Variants in SEM1 observed in about 807,000 individuals in gnomAD.
The protein encoded by SEM1 is 26S proteasome complex subunit SEM1.
A neutral mutation model predicts 12.7 loss-of-function variants in SEM1; 3 were observed. The ratio of observed to expected loss-of-function variants is 0.24; its 90% confidence interval spans 0.11 to 0.61. The LOEUF is 0.61. Among genes scored for constraint, SEM1 ranks in the 20% least tolerant of loss-of-function variants. SEM1 has a pLI of 0.88. For missense variants in SEM1, 59 were observed against 81.3 expected (o/e 0.73, Z 1.06); for synonymous variants, 30 against 27.8 (o/e 1.08, Z -0.25).
intron 2 of SEM1, among the ~76,000 whole-genome samples, chr7:96,545,224 A>G (rs1805071029): frequency 6.6e-6 from 1 of 151,936 alleles, no homozygotes; most frequent in African/African-American, 2.4e-5. Flanking sequence ...GTGGAGTTGT[A>G]TGGGTGCTAT....
chr7:96,486,723 G>A (rs1282443723), intron 1 of SEM1, among the ~76,000 whole-genome samples: 1 of 152,156 alleles, frequency 6.6e-6, no homozygotes, highest in South Asian at 2.1e-4. Context: ...GTATATAATA[G>A]TAGCCTTTGA....
At chr7:96,568,345 T>C (rs1325868862) in intron 2 of SEM1, among the ~76,000 whole-genome samples, 1 of 151,832 alleles carries the variant, frequency 6.6e-6, no homozygotes, top group African/African-American at 2.4e-5. Flanking sequence ...ATATTTTCGC[T>C]TTCTCCATCT....
intron 2 of SEM1, among the ~76,000 whole-genome samples, chr7:96,557,583 G>A (rs1352914920): frequency 1.1e-5 from 1 of 94,220 alleles, no homozygotes; most frequent in African/African-American, 2.8e-5. Flanking sequence ...GAGAACCACT[G>A]CTCTCTTCAA....
chr7:96,496,650 C>T (rs565913226), upstream of SEM1, among the ~76,000 whole-genome samples: 237 of 152,040 alleles, frequency 1.6e-3, 1 homozygote, highest in Middle Eastern at 6.8e-3. Context: ...AAAGGGGAAA[C>T]GTAAGATTTA....
At chr7:96,684,021 A>G (rs1789692752), downstream of SEM1, among the ~76,000 whole-genome samples, 1 of 152,108 alleles carries the variant, frequency 6.6e-6, no homozygotes, top group African/African-American at 2.4e-5. Context: ...AACTTAAAGT[A>G]TAATTAAAAA....
chr7:96,564,831 C>A (rs530422101), intron 2 of SEM1, among the ~76,000 whole-genome samples: 28 of 151,916 alleles, frequency 1.8e-4, no homozygotes, highest in South Asian at 8.3e-4. Context: ...GATAGAAAAC[C>A]AAGAAAACTT....
At chr7:96,647,767 T>C (rs1219850194) in intron 2 of SEM1, among the ~76,000 whole-genome samples, 1 of 152,220 alleles carries the variant, frequency 6.6e-6, no homozygotes, top group Non-Finnish European at 1.5e-5. Context: ...CAACCTGAAA[T>C]GTGCAATCTG....
At chr7:96,552,480 G>A (rs1280373121) in intron 2 of SEM1, among the ~76,000 whole-genome samples, 1 of 150,456 alleles carries the variant, frequency 6.6e-6, no homozygotes, top group Non-Finnish European at 1.5e-5. Flanking sequence ...TGAGAATGAT[G>A]ATTTCCAATT....
intron 2 of SEM1, chr7:96,622,997 G>A (rs2116291657): frequency 4.4e-6 from 1 of 226,098 alleles, no homozygotes. Context: ...TCATTTCCAG[G>A]TATGTCTATG....
chr7:96,706,948 A>G lies in SEM1; in HGVS notation c.76+2740T>C, dbSNP rs1790486486. Among the ~76,000 whole-genome samples, 5 of 152,362 alleles carry G rather than the reference A, an allele frequency of 3.3e-5. No individual in the cohort carries two copies. The South Asian group carries it at 1.0e-3, about 32-fold the overall frequency. The stretch of plus-strand genomic sequence containing the variant: ...TTGTCAATGGCATACTTACAAGAAA[A>G]ATAATTTTCCAAAGTACAGAAAGAA... On this transcript the variant is annotated intron_variant, in intron 1 of 2. Coordinates refer to ENST00000248566, the MANE Select transcript of SEM1 (RefSeq NM_006304.2).
chr7:96,554,957 T>C (rs1224003777), intron 2 of SEM1, among the ~76,000 whole-genome samples: 1 of 122,880 alleles, frequency 8.1e-6, no homozygotes, highest in African/African-American at 2.6e-5. Context: ...TTTATCCTTT[T>C]CTTCTAGATT....
downstream of SEM1, chr7:96,672,655 T>C (rs1386050310): frequency 1.3e-5 from 2 of 152,198 alleles, no homozygotes; most frequent in Non-Finnish European, 2.9e-5. Flanking sequence ...CCATCCCAAA[T>C]CTGATTCTTA....
At chr7:96,646,016 C>T in intron 2 of SEM1, 2 of 396,516 alleles carry the variant, frequency 5.0e-6, no homozygotes, top group Non-Finnish European at 8.9e-6. Flanking sequence ...ACTGATTCAT[C>T]ATGTCTTTCC....
chr7:96,522,894 A>G (rs1052146268), intron 2 of SEM1, among the ~76,000 whole-genome samples: 1 of 149,350 alleles, frequency 6.7e-6, no homozygotes, highest in African/African-American at 2.5e-5. Flanking sequence ...TCCATCTCAA[A>G]AAAAAAAAAA....
upstream of SEM1, among the ~76,000 whole-genome samples, chr7:96,496,978 T>C (rs897747616): frequency 4.6e-5 from 7 of 150,720 alleles, no homozygotes; most frequent in Non-Finnish European, 1.0e-4. Context: ...CTGGGTCTCC[T>C]ATACACACAC....
intron 2 of SEM1, among the ~76,000 whole-genome samples, chr7:96,611,256 GC>G (rs1312591593): frequency 6.6e-6 from 1 of 152,102 alleles, no homozygotes; most frequent in Non-Finnish European, 1.5e-5. Context: ...CCCGCATGAT[GC>G]CCCTGTGCAT....
chr7:96,618,533 T>G (rs1006858370), downstream of SEM1, among the ~76,000 whole-genome samples: 6 of 152,178 alleles, frequency 3.9e-5, no homozygotes, highest in Non-Finnish European at 7.3e-5. Context: ...GTAAGTTCAG[T>G]AACTTTATGT....
chr7:96,696,530 C>A (rs1172164056), intron 1 of SEM1: 4 of 151,958 alleles, frequency 2.6e-5, no homozygotes, highest in South Asian at 4.2e-4. Flanking sequence ...GATGAGGAAT[C>A]TGAGAAATAA....
At chr7:96,596,555 T>C (rs1186396945) in intron 2 of SEM1, among the ~76,000 whole-genome samples, 1 of 152,120 alleles carries the variant, frequency 6.6e-6, no homozygotes, top group East Asian at 1.9e-4. Flanking sequence ...GCCTATTTTC[T>C]CCCCGGGTAA....
Sources: allele counts gnomAD v4.1 joint callset (sites outside exome capture counted in the v4.1 genomes callset), GRCh38; gene constraint gnomAD v4.1.1; transcripts MANE v1.5; gene names NCBI Gene and HGNC (gene_info 2026-07-23, HGNC 2026-07-21).